The following DACT3 variants were observed in gnomAD, a reference collection of about 807,000 sequenced individuals.
The protein encoded by DACT3 is dapper homolog 3.
A neutral mutation model predicts 19.6 loss-of-function variants in DACT3; 5 were observed. The observed-to-expected ratio is 0.26, with a 90% CI of 0.13 to 0.54. The LOEUF (loss-of-function observed/expected upper bound fraction) is 0.54, where lower values mean the gene tolerates loss of function less well. Among genes scored for constraint, DACT3 ranks in the 20% least tolerant of loss-of-function variants. The pLI, the probability that DACT3 is intolerant of heterozygous loss-of-function variation, is 0.95. For missense variants in DACT3, 908 were observed against 927.4 expected (o/e 0.98, Z 0.27); for synonymous variants, 454 against 428.1 (o/e 1.06, Z -0.75).
At position 46,649,512 on chromosome 19, in the gene DACT3, T is replaced by C; in HGVS notation, c.860A>G (p.Gln287Arg). The change falls in exon 4 of 4, where the codon CAG becomes CGG. Residue 287 changes from glutamine (Q) to arginine (R), a missense_variant. Physicochemically the swap from Gln to Arg is conservative, Grantham distance 43. Coordinates refer to ENST00000391916, the MANE Select transcript of DACT3 (RefSeq NM_145056.3). ...GGACGGAGACGCGTCGGGCGGCCGCTGGCGCACGCTGTTCTGGCGCCGCGG... is the reference window on the plus strand; with the variant it reads ...GGACGGAGACGCGTCGGGCGGCCGCCGGCGCACGCTGTTCTGGCGCCGCGG... ...GGPRRQNSVRQRPPDASPSPG... is the reference protein window; with the variant it reads ...GGPRRQNSVRRRPPDASPSPG... 9.2e-7 allele frequency: 1 copy of C among 1,087,352 alleles called. No individual in the cohort carries two copies. Among genetic ancestry groups the C allele is most frequent in the African/African-American group, 1.7e-5 (1 of 58,998 alleles). 67.4% of individuals were successfully genotyped at this position (1,087,352 alleles called of 1,614,324 possible).
At position 46,658,229 on chromosome 19, in the gene DACT3, T is replaced by TAAA. The variant is rs34025756; in HGVS notation, c.249+2584_249+2586dup. On this transcript the variant is annotated intron_variant, in intron 1 of 3. Transcript: ENST00000391916. ...ACAACATAGCAAGACCTCATATCTT[T>TAAA]AAAAAAAAAAAAAAAATTAGCCAAA... is the stretch of plus-strand genomic sequence containing the variant. 2.1e-4 allele frequency among the ~76,000 whole-genome samples: 30 copies of TAAA among 142,726 alleles called. No individual in the cohort carries two copies. The South Asian group carries it at 3.2e-3, about 15-fold the overall frequency. The allele number at this position is 142,726 out of a possible 152,430, so 93.6% of individuals were successfully genotyped here.
intron 3 of DACT3, 188 bp downstream of exon 3, chr19:46,652,472 C>G (rs1325484782): frequency 2.9e-6 from 2 of 700,132 alleles, no homozygotes; most frequent in African/African-American, 3.6e-5. Flanking sequence ...AGCCACCGCA[C>G]CCAGCCATAT....
rs1201609456 is a variant in DACT3, at chr19:46,661,112, C to T, written c.-48G>A. 2 of 1,364,274 alleles carry T rather than the reference C, an allele frequency of 1.5e-6. No individual in the cohort carries two copies. The highest frequency in any genetic ancestry group is 3.1e-5 in the East Asian group (1 of 32,470). 84.5% of individuals were successfully genotyped at this position (1,364,274 alleles called of 1,614,324 possible). A position where few individuals can be genotyped will look rare whatever the true frequency, so the allele number is the denominator to read the frequency against. ...CCGGCCGGGCCCCGCGGCCACCCCTCTCCCGGTCCCACCTCCCCGCCCCAG... is the reference window on the plus strand; with the variant it reads ...CCGGCCGGGCCCCGCGGCCACCCCTTTCCCGGTCCCACCTCCCCGCCCCAG... On this transcript the variant is annotated 5_prime_UTR_variant, in exon 1 of 4. Coordinates refer to ENST00000391916, the MANE Select transcript of DACT3 (RefSeq NM_145056.3).
Position 46,653,847 on chromosome 19 carries a change from C to T in DACT3, c.250-772G>A, listed in dbSNP as rs567465689. Among the ~76,000 whole-genome samples, 562 of 152,296 alleles carry T rather than the reference C, an allele frequency of 3.7e-3. 4 individuals are homozygous for T. The highest frequency in any genetic ancestry group is 0.011 in the South Asian group (55 of 4,832). On this transcript the variant is annotated intron_variant, in intron 1 of 3. Coordinates refer to ENST00000391916, the MANE Select transcript of DACT3 (RefSeq NM_145056.3). Reference sequence around the variant, plus strand: ...GGGATTACAGGCATGAGCCACTGCGCCCAGCCTCTCCCCGTCTTTGACCTT... The same window carrying T: ...GGGATTACAGGCATGAGCCACTGCGTCCAGCCTCTCCCCGTCTTTGACCTT...
chr19:46,648,608 A>G lies in DACT3; in HGVS notation c.1764T>C (p.Gly588=). Residue 588 remains glycine (G), a synonymous_variant, in exon 4 of 4, where the codon GGT becomes GGC. Coordinates refer to ENST00000391916, the MANE Select transcript of DACT3 (RefSeq NM_145056.3). The surrounding 1 kb of genome is among the most constrained non-coding windows in gnomAD (Gnocchi z 5.1). ...CTGCGGGCGCCCCTGCACCTGCTCCACCCCCAGAGGCCGCGGTGGCCGCCA... is the reference window on the plus strand; with the variant it reads ...CTGCGGGCGCCCCTGCACCTGCTCCGCCCCCAGAGGCCGCGGTGGCCGCCA... ...QLVAATAASG[G]GAGAGAPAGP... is the part of the protein sequence containing the mutation. 1 of 1,612,600 alleles carries G rather than the reference A, an allele frequency of 6.2e-7. No homozygotes were observed. Among genetic ancestry groups the G allele is most frequent in the Non-Finnish European group, 8.5e-7 (1 of 1,179,616 alleles).
rs2052954255 is a variant in DACT3 at position 46,649,318 on chromosome 19, C to T, written c.1054G>A (p.Gly352Ser). The change falls in exon 4 of 4, where the codon GGC becomes AGC. Residue 352 changes from glycine to serine, a missense_variant. This residue lies in a region of DACT3 where 656 missense variants were observed against 601.8 expected (regional missense o/e 1.09). Transcript: ENST00000391916. ...APSPPDSPAE[G>S]RLVKAQYIPG... is the part of the protein sequence containing the mutation. Reference sequence around the variant, plus strand: ...ATGTACTGCGCCTTCACCAAGCGGCCCTCAGCCGGGCTGTCGGGGGGTGAG... The same window carrying T: ...ATGTACTGCGCCTTCACCAAGCGGCTCTCAGCCGGGCTGTCGGGGGGTGAG... 3 of 1,241,494 alleles carry T rather than the reference C, an allele frequency of 2.4e-6. No individual in the cohort carries two copies. The South Asian group carries it at 7.2e-5, about 30-fold the overall frequency. 76.9% of individuals were successfully genotyped at this position (1,241,494 alleles called of 1,614,324 possible).
chr19:46,659,479 G>A (rs1472724709), intron 1 of DACT3: 3 of 983,934 alleles, frequency 3.0e-6, no homozygotes, highest in African/African-American at 3.5e-5. Flanking sequence ...AGCCGAGCCA[G>A]CTTGGGGTGG....
In DACT3 at chr19:46,651,106, G is replaced by C. The variant is rs1031274833; in HGVS notation, c.500-1234C>G. 4 of 129,976 alleles carry C rather than the reference G, an allele frequency of 3.1e-5. No homozygotes were observed. In the East Asian group the frequency reaches 8.5e-4, roughly 28 times the overall value. 8.1% of individuals were successfully genotyped at this position (129,976 alleles called of 1,614,324 possible). On this transcript the variant is annotated intron_variant, in intron 3 of 3. Coordinates refer to ENST00000391916, the MANE Select transcript of DACT3 (RefSeq NM_145056.3). Reference sequence around the variant, plus strand: ...TTATTTATTTATTTATTTTTTAGACGAAGTCTCGCTCTGTCACCCAGGCTG... The same window carrying C: ...TTATTTATTTATTTATTTTTTAGACCAAGTCTCGCTCTGTCACCCAGGCTG...
intron 1 of DACT3, chr19:46,654,936 G>A: frequency 2.0e-6 from 2 of 985,218 alleles, no homozygotes; most frequent in Non-Finnish European, 2.4e-6. Context: ...TCCACTCTGG[G>A]CTCCTGCCCT....
At position 46,649,661 on chromosome 19, in the gene DACT3, G is replaced by C. The variant is rs1370112115; in HGVS notation, c.711C>G (p.Thr237=). The C allele has an allele frequency of 1.4e-5, 16 of 1,163,902 alleles. No individual in the cohort carries two copies. The highest frequency in any genetic ancestry group is 1.7e-5 in the Non-Finnish European group (16 of 945,336). 72.1% of individuals were successfully genotyped at this position (1,163,902 alleles called of 1,614,324 possible). The change falls in exon 4 of 4, where the codon ACC becomes ACG. Residue 237 remains threonine (T), a synonymous_variant. Coordinates refer to ENST00000391916, the MANE Select transcript of DACT3 (RefSeq NM_145056.3). Reference sequence around the variant, plus strand: ...CTGCGCCCCCCGCGTCGGGCGAGTCGGTGGGAGGGCGGCCGCAGGGCCGCG... The same window carrying C: ...CTGCGCCCCCCGCGTCGGGCGAGTCCGTGGGAGGGCGGCCGCAGGGCCGCG... ...RSPRPCGRPP[T]DSPDAGGAGR... is the part of the protein sequence containing the mutation.
intron 1 of DACT3, among the ~76,000 whole-genome samples, chr19:46,653,649 G>C (rs547574001): frequency 6.6e-6 from 1 of 151,784 alleles, no homozygotes; most frequent in Non-Finnish European, 1.5e-5. Flanking sequence ...TACCTCCCGG[G>C]ATCAGGCAAT....
chr19:46,648,952 G>T lies in DACT3; in HGVS notation c.1420C>A (p.Arg474Ser). 7.6e-7 allele frequency: 1 copy of T among 1,319,748 alleles called. No homozygotes were observed. Among genetic ancestry groups the T allele is most frequent in the Non-Finnish European group, 9.6e-7 (1 of 1,038,952 alleles). The allele number at this position is 1,319,748 out of a possible 1,614,324, so 81.8% of individuals were successfully genotyped here. The change falls in exon 4 of 4, where the codon CGT becomes AGT. Residue 474 changes from arginine to serine, a missense_variant. Physicochemically the swap from Arg to Ser is moderately radical, Grantham distance 110. This residue lies in a region of DACT3 where 656 missense variants were observed against 601.8 expected (regional missense o/e 1.09). Transcript: ENST00000391916. This position sits in a 1 kb window ranked among gnomAD's most constrained non-coding sequence, Gnocchi z 5.1. ...ATCTCCGCAGTGGAGCGCCAGCGAC[G>T]GCAGGACCCTGCGGCCTGGGCCGCC... ...TLAAQAAGSC[R>S]RWRSTAEIDA... is the part of the protein sequence containing the mutation.
chr19:46,656,755 C>A (rs1172677320), intron 1 of DACT3, among the ~76,000 whole-genome samples: 2 of 152,110 alleles, frequency 1.3e-5, no homozygotes, highest in Non-Finnish European at 2.9e-5. Flanking sequence ...AGAATCATTA[C>A]CAAGATATAG....
Position 46,648,444 on chromosome 19 carries a change from A to C in DACT3, c.*38T>G. Reference sequence around the variant, plus strand: ...TCAGTGGTTGGGAGTGTGGAGGTGCAGAGGCCATGAAGGGGGAGCCCAAGC... The same window carrying C: ...TCAGTGGTTGGGAGTGTGGAGGTGCCGAGGCCATGAAGGGGGAGCCCAAGC... On this transcript the variant is annotated 3_prime_UTR_variant, in exon 4 of 4. Transcript: ENST00000391916. This position sits in a 1 kb window ranked among gnomAD's most constrained non-coding sequence, Gnocchi z 5.1. 6.2e-7 allele frequency: 1 copy of C among 1,613,512 alleles called. No homozygotes were observed. Among genetic ancestry groups the C allele is most frequent in the East Asian group, 2.2e-5 (1 of 44,860 alleles).
chr19:46,661,145 C>G lies in DACT3; in HGVS notation c.-81G>C. ...CCCACCTCCCCGCCCCAGCAGCCTGCCCGCCCGCCCGCTGGCCGGGCTGTC... is the reference window on the plus strand; with the variant it reads ...CCCACCTCCCCGCCCCAGCAGCCTGGCCGCCCGCCCGCTGGCCGGGCTGTC... On this transcript the variant is annotated 5_prime_UTR_variant, in exon 1 of 4. Transcript: ENST00000391916. The G allele has an allele frequency of 7.8e-7, 1 of 1,280,024 alleles. No individual in the cohort carries two copies. The highest frequency in any genetic ancestry group is 2.0e-5 in the South Asian group (1 of 48,920). The allele number at this position is 1,280,024 out of a possible 1,614,324, so 79.3% of individuals were successfully genotyped here. A position where few individuals can be genotyped will look rare whatever the true frequency, so the allele number is the denominator to read the frequency against.
At chr19:46,658,319 C>T (rs551044828) in intron 1 of DACT3, among the ~76,000 whole-genome samples, 359 of 152,084 alleles carry the variant, frequency 2.4e-3, no homozygotes, top group Non-Finnish European at 4.4e-3. Context: ...TGCTTGAGGC[C>T]AAGTTAGAGG....
At chr19:46,657,835 T>A (rs188651435) in intron 1 of DACT3, among the ~76,000 whole-genome samples, 1 of 152,092 alleles carries the variant, frequency 6.6e-6, no homozygotes, top group East Asian at 2.0e-4. Flanking sequence ...GAGGATCACT[T>A]GAGGCCAGGA....
intron 1 of DACT3, among the ~76,000 whole-genome samples, chr19:46,659,860 G>A (rs527559716): frequency 2.0e-5 from 3 of 152,236 alleles, no homozygotes; most frequent in East Asian, 1.9e-4. Flanking sequence ...AAGAGAGCGA[G>A]GTGCAGACAG....
rs1465793676 is a variant in DACT3 at position 46,660,073 on chromosome 19, C to T, written c.249+743G>A. Among the ~76,000 whole-genome samples the T allele has an allele frequency of 1.3e-5, 2 of 152,150 alleles. No homozygotes were observed. Among genetic ancestry groups the T allele is most frequent in the Non-Finnish European group, 2.9e-5 (2 of 68,010 alleles). On this transcript the variant is annotated intron_variant, in intron 1 of 3. Coordinates refer to ENST00000391916, the MANE Select transcript of DACT3 (RefSeq NM_145056.3). The surrounding 1 kb of genome is among the most constrained non-coding windows in gnomAD (Gnocchi z 4.9). ...GGCATGGGGCGTCCTCAAGTCATTC[C>T]GGAGACCTCTGCCCATCTTCCACCA...
Sources: allele counts gnomAD v4.1 joint callset (sites outside exome capture counted in the v4.1 genomes callset), GRCh38; gene constraint gnomAD v4.1.1; regional missense constraint gnomAD v4.1.1; non-coding constraint Gnocchi (gnomAD v3.1); transcripts MANE v1.5; gene names NCBI Gene and HGNC (gene_info 2026-07-23, HGNC 2026-07-21).